The following GRK5 variants were observed in gnomAD, a reference collection of about 807,000 sequenced individuals.
GRK5 encodes the protein g protein-coupled receptor kinase GRK5.
Under a neutral mutation model 78.4 loss-of-function variants are expected in GRK5, and 40 were observed. That is an observed-to-expected ratio of 0.51 (90% CI 0.40 to 0.66). The LOEUF (loss-of-function observed/expected upper bound fraction) is 0.66, where lower values mean the gene tolerates loss of function less well. Among genes scored for constraint, GRK5 ranks in the 30% least tolerant of loss-of-function variants. The pLI is 0.00. For synonymous variants in GRK5, 289 were observed against 296.8 expected (o/e 0.97, Z 0.27); for missense variants, 598 against 759.9 (o/e 0.79, Z 2.50).
intron 10 of GRK5, among the ~76,000 whole-genome samples, chr10:119,440,053 A>G (rs1853002304): frequency 6.6e-6 from 1 of 152,200 alleles, no homozygotes; most frequent in Non-Finnish European, 1.5e-5. Flanking sequence ...TGGTCTCTAC[A>G]GTGCACTGAA....
At chr10:119,330,761 C>T (rs776886731) in intron 2 of GRK5, among the ~76,000 whole-genome samples, 1 of 152,166 alleles carries the variant, frequency 6.6e-6, no homozygotes, top group Non-Finnish European at 1.5e-5. Flanking sequence ...TGGCTCATGC[C>T]TGTAATCCCA....
chr10:119,209,768 T>C (rs1396176032), intron 1 of GRK5, among the ~76,000 whole-genome samples: 2 of 152,172 alleles, frequency 1.3e-5, no homozygotes, highest in African/African-American at 4.8e-5. Flanking sequence ...CTGATGGTAC[T>C]GGAGCCTTGC....
At chr10:119,326,136 G>A (rs77041646) in intron 1 of GRK5, among the ~76,000 whole-genome samples, 4,158 of 152,362 alleles carry the variant, frequency 0.027, 178 homozygotes, top group East Asian at 0.13. Context: ...ACCTGCCTGT[G>A]CCTCTGCCCC....
chr10:119,279,116 G>A (rs760370096), intron 1 of GRK5, among the ~76,000 whole-genome samples: 63 of 152,248 alleles, frequency 4.1e-4, no homozygotes, highest in African/African-American at 5.3e-4. Context: ...TCCTGACCTC[G>A]TGATCCACCC....
At chr10:119,372,301 CTAATCAGCTATAGATAT>C (rs1851559077) in intron 2 of GRK5, among the ~76,000 whole-genome samples, 2 of 152,222 alleles carry the variant, frequency 1.3e-5, no homozygotes, top group African/African-American at 4.8e-5. Flanking sequence ...GAACTATGTA[CTAATCAGCTATAGATAT>C]AGGCATTCTA....
At chr10:119,216,492 G>A (rs1848576225) in intron 1 of GRK5, among the ~76,000 whole-genome samples, 1 of 152,094 alleles carries the variant, frequency 6.6e-6, no homozygotes, top group Non-Finnish European at 1.5e-5. Context: ...TTGGTTTAAC[G>A]GATGGGGAAA....
At position 119,210,619 on chromosome 10, in the gene GRK5, G is replaced by T. The variant is rs185763107; in HGVS notation, c.52+2650G>T. Among the ~76,000 whole-genome samples, 247 of 152,262 alleles carry T rather than the reference G, an allele frequency of 1.6e-3. 1 individual carries two copies. Among genetic ancestry groups the T allele is most frequent in the Non-Finnish European group, 2.7e-3 (186 of 68,000 alleles). Reference sequence around the variant, plus strand: ...ACAGTATATTAAAAAAATCTGAGTTGTTTAAAAGGTTTAAAAACACTTCTT... The same window carrying T: ...ACAGTATATTAAAAAAATCTGAGTTTTTTAAAAGGTTTAAAAACACTTCTT... On this transcript the variant is annotated intron_variant, in intron 1 of 15. Coordinates refer to ENST00000392870, the MANE Select transcript of GRK5 (RefSeq NM_005308.3).
chr10:119,231,296 C>T (rs1453377920), intron 1 of GRK5, among the ~76,000 whole-genome samples: 1 of 152,020 alleles, frequency 6.6e-6, no homozygotes, highest in African/African-American at 2.4e-5. Context: ...ACATACACAC[C>T]ACTAAAGAAC....
chr10:119,247,841 G>T (rs1849137184), intron 1 of GRK5, among the ~76,000 whole-genome samples: 3 of 152,096 alleles, frequency 2.0e-5, no homozygotes, highest in Admixed American at 2.0e-4. Flanking sequence ...CATTTGGGAT[G>T]TAAAAGTTTC....
At chr10:119,326,404 C>T (rs1441893091) in intron 1 of GRK5, 112 bp from the exon 2 acceptor site, 2 of 783,626 alleles carry the variant, frequency 2.6e-6, no homozygotes, top group African/African-American at 1.7e-5. Context: ...ACTGGCTTGG[C>T]CTACAGCCCG....
At chr10:119,314,348 G>A (rs138344679) in intron 1 of GRK5, among the ~76,000 whole-genome samples, 1 of 152,330 alleles carries the variant, frequency 6.6e-6, no homozygotes, top group African/African-American at 2.4e-5. Flanking sequence ...GGAACCTGGG[G>A]CTGGATCCTG....
intron 3 of GRK5, among the ~76,000 whole-genome samples, chr10:119,393,268 G>C (rs949076438): frequency 1.3e-5 from 2 of 152,258 alleles, no homozygotes; most frequent in Non-Finnish European, 2.9e-5. Flanking sequence ...ATCCCGGCAG[G>C]GGAGGCCTGT....
intron 1 of GRK5, among the ~76,000 whole-genome samples, chr10:119,215,247 C>G (rs569451399): frequency 6.6e-6 from 1 of 152,302 alleles, no homozygotes; most frequent in Admixed American, 6.5e-5. Flanking sequence ...CCATGTGTGG[C>G]TAGTGGCCAT....
chr10:119,332,309 G>A (rs1020310612), intron 2 of GRK5, among the ~76,000 whole-genome samples: 1 of 151,984 alleles, frequency 6.6e-6, no homozygotes, highest in Non-Finnish European at 1.5e-5. Context: ...ATTTTGCCAT[G>A]TTGCCCAGGC....
intron 2 of GRK5, among the ~76,000 whole-genome samples, chr10:119,355,179 G>T (rs778688371): frequency 6.6e-6 from 1 of 152,180 alleles, no homozygotes; most frequent in African/African-American, 2.4e-5. Context: ...TCCATTTCCT[G>T]TCAAATATTT....
chr10:119,208,940 C>G (rs561878436), intron 1 of GRK5, among the ~76,000 whole-genome samples: 1 of 151,680 alleles, frequency 6.6e-6, no homozygotes, highest in East Asian at 1.9e-4. Context: ...GATTTGAGCT[C>G]TAGTGTGCGA....
chr10:119,451,392 G>A (rs1185081090), intron 13 of GRK5, among the ~76,000 whole-genome samples: 1 of 151,954 alleles, frequency 6.6e-6, no homozygotes, highest in Non-Finnish European at 1.5e-5. Flanking sequence ...TCCTCTGCAA[G>A]CCACCCAGGG....
chr10:119,290,744 A>G (rs964110089), intron 1 of GRK5, among the ~76,000 whole-genome samples: 2 of 151,666 alleles, frequency 1.3e-5, no homozygotes, highest in Non-Finnish European at 2.9e-5. Context: ...AGCCTTCTAG[A>G]TTCCTTGGGC....
At chr10:119,208,445 G>T (rs976723676) in intron 1 of GRK5, 1 of 159,650 alleles carries the variant, frequency 6.3e-6, no homozygotes, top group African/African-American at 2.4e-5. Flanking sequence ...GAAACCATCC[G>T]CTGGGATGTT....
Sources: allele counts gnomAD v4.1 joint callset (sites outside exome capture counted in the v4.1 genomes callset), GRCh38; gene constraint gnomAD v4.1.1; transcripts MANE v1.5; gene names NCBI Gene and HGNC (gene_info 2026-07-23, HGNC 2026-07-21).